The following POU6F2 variants were observed in gnomAD, a reference collection of about 807,000 sequenced individuals.
POU6F2 encodes POU class 6 homeobox 2.
Under a neutral mutation model 71.3 loss-of-function variants are expected in POU6F2, and 31 were observed. The observed-to-expected ratio is 0.43, with a 90% CI of 0.33 to 0.59. The LOEUF is 0.59. POU6F2 is among the 20% of genes least tolerant of loss of function. The pLI is 0.04. For synonymous variants in POU6F2, 347 were observed against 355.7 expected (o/e 0.98, Z 0.27); for missense variants, 783 against 856.8 (o/e 0.91, Z 1.07).
intron 5 of POU6F2, among the ~76,000 whole-genome samples, chr7:39,370,137 C>G (rs1012192842): frequency 1.3e-5 from 2 of 152,136 alleles, no homozygotes; most frequent in African/African-American, 4.8e-5. Flanking sequence ...ATAATATCTC[C>G]GAGGTATGCC....
rs569760614 is a variant in POU6F2, at chr7:39,099,289, C to CA, written c.277+13261dup. Reference sequence around the variant, plus strand: ...GAAGCCAGATGTCTGTGGGCGGCAGCAAATGCCTTTCTCCCTGGTGGTGTG... The same window carrying CA: ...GAAGCCAGATGTCTGTGGGCGGCAGCAAAATGCCTTTCTCCCTGGTGGTGTG... On this transcript the variant is annotated intron_variant, in intron 2 of 9. Transcript: ENST00000518318. 2.2e-3 allele frequency among the ~76,000 whole-genome samples: 342 copies of CA among 152,320 alleles called. 1 individual carries two copies. The highest frequency in any genetic ancestry group is 7.8e-3 in the African/African-American group (325 of 41,568).
intron 4 of POU6F2, among the ~76,000 whole-genome samples, chr7:39,278,519 A>G (rs1784502194): frequency 6.6e-6 from 1 of 152,210 alleles, no homozygotes; most frequent in African/African-American, 2.4e-5. Context: ...AGGAATGCAG[A>G]GAACAAAGGG....
intron 1 of POU6F2, among the ~76,000 whole-genome samples, chr7:39,085,419 C>T (rs564346193): frequency 1.3e-5 from 2 of 152,126 alleles, no homozygotes; most frequent in African/African-American, 4.8e-5. Context: ...GCCCGTGGTT[C>T]CTCCATAGGG....
chr7:39,015,858 T>TACA (rs1225365503), intron 1 of POU6F2, among the ~76,000 whole-genome samples: 1 of 84,390 alleles, frequency 1.2e-5, no homozygotes, highest in African/African-American at 5.0e-5. Context: ...TATAGATATA[T>TACA]ATAATATATT....
chr7:39,033,600 C>T (rs1276109688), intron 1 of POU6F2, among the ~76,000 whole-genome samples: 1 of 152,158 alleles, frequency 6.6e-6, no homozygotes, highest in Non-Finnish European at 1.5e-5. Flanking sequence ...TCCTTTCCCC[C>T]TTCATAGAGA....
chr7:39,296,151 A>C (rs1583504527), intron 4 of POU6F2, among the ~76,000 whole-genome samples: 1 of 152,236 alleles, frequency 6.6e-6, no homozygotes, highest in Non-Finnish European at 1.5e-5. Context: ...GTCTTCCTAC[A>C]TAGATTCCTG....
At chr7:39,117,175 T>TAA (rs1199951660) in intron 2 of POU6F2, among the ~76,000 whole-genome samples, 1 of 152,212 alleles carries the variant, frequency 6.6e-6, no homozygotes, top group African/African-American at 2.4e-5. Flanking sequence ...CTTCACTTGT[T>TAA]ACATAGTAAA....
intron 2 of POU6F2, among the ~76,000 whole-genome samples, chr7:39,187,500 C>T (rs1793566014): frequency 6.6e-6 from 1 of 152,210 alleles, no homozygotes; most frequent in South Asian, 2.1e-4. Flanking sequence ...AGAGACAGGA[C>T]AGAGCAGAGG....
chr7:38,985,345 C>T (rs1788436101), intron 1 of POU6F2, among the ~76,000 whole-genome samples: 1 of 152,042 alleles, frequency 6.6e-6, no homozygotes, highest in Non-Finnish European at 1.5e-5. Context: ...GAACATCAAA[C>T]TCATTTCACT....
At chr7:39,349,705 C>T (rs1447383936) in intron 5 of POU6F2, among the ~76,000 whole-genome samples, 2 of 152,186 alleles carry the variant, frequency 1.3e-5, no homozygotes, top group African/African-American at 4.8e-5. Context: ...TTACAAGGCT[C>T]CTATCCTGCT....
At chr7:39,338,587 G>A (rs997591158) in intron 4 of POU6F2, among the ~76,000 whole-genome samples, 11 of 152,194 alleles carry the variant, frequency 7.2e-5, no homozygotes, top group Non-Finnish European at 8.8e-5. Flanking sequence ...TGGTTGCATC[G>A]TCATTTCACC....
chr7:39,379,914 A>G (rs1163789169), intron 5 of POU6F2, among the ~76,000 whole-genome samples: 1 of 152,232 alleles, frequency 6.6e-6, no homozygotes, highest in African/African-American at 2.4e-5. Context: ...GAGGGCATTT[A>G]TAGAACCTCA....
chr7:39,359,879 G>A (rs1786339601), intron 5 of POU6F2, among the ~76,000 whole-genome samples: 2 of 152,096 alleles, frequency 1.3e-5, no homozygotes, highest in African/African-American at 2.4e-5. Flanking sequence ...TAATATGTAG[G>A]TATTTGTATA....
At chr7:39,390,698 A>T (rs975579540) in intron 5 of POU6F2, among the ~76,000 whole-genome samples, 1 of 152,212 alleles carries the variant, frequency 6.6e-6, no homozygotes, top group Non-Finnish European at 1.5e-5. Flanking sequence ...ACAAAGTAAT[A>T]CATGACCCAG....
intron 1 of POU6F2, among the ~76,000 whole-genome samples, chr7:39,078,030 G>A (rs1791033516): frequency 6.6e-6 from 1 of 152,022 alleles, no homozygotes; most frequent in Non-Finnish European, 1.5e-5. Flanking sequence ...ATAATGGTAG[G>A]CCACCAAAAC....
intron 6 of POU6F2, among the ~76,000 whole-genome samples, chr7:39,417,092 G>A (rs868166647): frequency 5.3e-5 from 8 of 152,192 alleles, no homozygotes; most frequent in South Asian, 2.1e-4. Flanking sequence ...TTGATTTAGC[G>A]TCCTAGAACA....
intron 1 of POU6F2, among the ~76,000 whole-genome samples, chr7:38,992,545 T>C (rs1283951836): frequency 6.6e-6 from 1 of 152,150 alleles, no homozygotes; most frequent in African/African-American, 2.4e-5. Context: ...GAGTGGAGAA[T>C]GAGGACACAG....
chr7:39,128,182 T>G (rs865849797), intron 2 of POU6F2, among the ~76,000 whole-genome samples: 5 of 152,308 alleles, frequency 3.3e-5, no homozygotes, highest in African/African-American at 1.2e-4. Flanking sequence ...AAGATCTGGA[T>G]GCTTCATGGA....
chr7:39,154,909 C>G (rs1439884150), intron 2 of POU6F2, among the ~76,000 whole-genome samples: 1 of 152,074 alleles, frequency 6.6e-6, no homozygotes, highest in Non-Finnish European at 1.5e-5. Flanking sequence ...TAAAATAGTT[C>G]AACATGTGCT....
Sources: allele counts gnomAD v4.1 joint callset (sites outside exome capture counted in the v4.1 genomes callset), GRCh38; gene constraint gnomAD v4.1.1; transcripts MANE v1.5; gene names NCBI Gene and HGNC (gene_info 2026-07-23, HGNC 2026-07-21).